PODXL: variants seen among roughly 807,000 people sequenced by gnomAD.
PODXL encodes podocalyxin like.
A neutral mutation model predicts 48.9 loss-of-function variants in PODXL; 20 were observed. That is an observed-to-expected ratio of 0.41 (90% CI 0.29 to 0.59). The LOEUF is 0.59. Among genes scored for constraint, PODXL ranks in the 20% least tolerant of loss-of-function variants. The pLI, the probability that PODXL is intolerant of heterozygous loss-of-function variation, is 0.31. For missense variants in PODXL, 606 were observed against 675.1 expected (o/e 0.90, Z 1.13); for synonymous variants, 295 against 287.4 (o/e 1.03, Z -0.27).
chr7:131,523,421 G>A (rs1234577324), intron 1 of PODXL, among the ~76,000 whole-genome samples: 1 of 152,002 alleles, frequency 6.6e-6, no homozygotes, highest in East Asian at 1.9e-4. Flanking sequence ...GGTGGCTCAC[G>A]CCTGTAATCC....
At chr7:131,515,363 T>C (rs1249150179) in intron 1 of PODXL, among the ~76,000 whole-genome samples, 1 of 152,158 alleles carries the variant, frequency 6.6e-6, no homozygotes, top group African/African-American at 2.4e-5. Context: ...GTTAACTTAA[T>C]TCATAAGCTC....
intron 1 of PODXL, among the ~76,000 whole-genome samples, chr7:131,553,681 C>T (rs573499072): frequency 9.2e-5 from 14 of 152,208 alleles, no homozygotes; most frequent in Non-Finnish European, 1.8e-4. Flanking sequence ...AGTGTTTCCA[C>T]CCCACCAAGC....
At chr7:131,539,356 G>C (rs762475603) in intron 1 of PODXL, among the ~76,000 whole-genome samples, 3 of 151,936 alleles carry the variant, frequency 2.0e-5, no homozygotes, top group Non-Finnish European at 4.4e-5. Flanking sequence ...TTTGAGACAG[G>C]GTCTTGCCCT....
At chr7:131,537,334 G>A (rs1444041108) in intron 1 of PODXL, among the ~76,000 whole-genome samples, 1 of 151,710 alleles carries the variant, frequency 6.6e-6, no homozygotes, top group Non-Finnish European at 1.5e-5. Flanking sequence ...GCCAAGCACG[G>A]TGGCTCACGC....
rs563489994 is a variant in PODXL at position 131,541,247 on chromosome 7, G to A, written c.100+15013C>T. 6.6e-5 allele frequency among the ~76,000 whole-genome samples: 10 copies of A among 151,988 alleles called. No individual in the cohort carries two copies. In the East Asian group the frequency reaches 1.9e-3, roughly 29 times the overall value. On this transcript the variant is annotated intron_variant, in intron 1 of 8. Transcript: ENST00000378555. ...ATCTCTCTCCTTGGCCCAGGAGGTG[G>A]AAGAAAAAGCATGGTTACCTCCCAC...
intron 5 of PODXL, among the ~76,000 whole-genome samples, chr7:131,507,131 T>C (rs184591058): frequency 5.3e-5 from 8 of 152,252 alleles, no homozygotes; most frequent in African/African-American, 1.9e-4. Flanking sequence ...GAGACTCCAA[T>C]TCCCCCTAAA....
chr7:131,508,829 G>A, intron 5 of PODXL, 122 bp downstream of exon 5: 1 of 786,366 alleles, frequency 1.3e-6, no homozygotes, highest in East Asian at 2.5e-5. Context: ...ATGAGGGCCG[G>A]AAAGCAAATG....
intron 1 of PODXL, among the ~76,000 whole-genome samples, chr7:131,524,368 A>ACATG (rs1554385083): frequency 1.2e-4 from 13 of 112,548 alleles, no homozygotes; most frequent in Non-Finnish European, 1.4e-4. Flanking sequence ...ACACGCACAC[A>ACATG]CACACACACA....
At chr7:131,522,685 A>G (rs1481441121) in intron 1 of PODXL, among the ~76,000 whole-genome samples, 1 of 152,262 alleles carries the variant, frequency 6.6e-6, no homozygotes, top group Non-Finnish European at 1.5e-5. Flanking sequence ...GCCACACAGT[A>G]GGCAGCCACT....
At position 131,510,873 on chromosome 7, in the gene PODXL, T is replaced by C. The variant is rs1318338766; in HGVS notation, c.661A>G (p.Ile221Val). ...KISSSSSTVA[I>V]PGYTFTSPGM... ...GGGCTTGTGAAGGTGTAGCCAGGGA[T>C]AGCCACAGTGCTTGAACTGCTTGAA... The change falls in exon 2 of 9, where the codon ATC (isoleucine) becomes GTC (valine). Residue 221 changes from isoleucine to valine, a missense_variant. Coordinates refer to ENST00000378555, the MANE Select transcript of PODXL (RefSeq NM_001018111.3). 1.2e-6 allele frequency: 2 copies of C among 1,614,056 alleles called. No individual in the cohort carries two copies. Among genetic ancestry groups the C allele is most frequent in the Non-Finnish European group, 1.7e-6 (2 of 1,180,040 alleles).
intron 1 of PODXL, among the ~76,000 whole-genome samples, chr7:131,512,049 A>G (rs10954318): frequency 0.13 from 19,981 of 152,262 alleles, 1,524 homozygotes; most frequent in Middle Eastern, 0.25. Flanking sequence ...CTTAAGCAAA[A>G]AAGACATGGG....
intron 1 of PODXL, among the ~76,000 whole-genome samples, chr7:131,518,170 G>C (rs1326313477): frequency 6.6e-6 from 1 of 152,148 alleles, no homozygotes; most frequent in East Asian, 1.9e-4. Flanking sequence ...ACAGGTACCA[G>C]GTACCAGAGA....
chr7:131,534,284 G>A (rs1174679564), intron 1 of PODXL, among the ~76,000 whole-genome samples: 1 of 152,230 alleles, frequency 6.6e-6, no homozygotes, highest in Non-Finnish European at 1.5e-5. Flanking sequence ...GAGGAGCTGA[G>A]CCTGAACCTT....
At chr7:131,523,099 T>G (rs1271879701) in intron 1 of PODXL, among the ~76,000 whole-genome samples, 2 of 152,240 alleles carry the variant, frequency 1.3e-5, no homozygotes, top group Non-Finnish European at 2.9e-5. Context: ...CTGGAGGGAC[T>G]GCCAAGCTAT....
Position 131,505,998 on chromosome 7 carries a change from G to A in PODXL, c.1349C>T (p.Pro450Leu), listed in dbSNP as rs1483914798. ...GAAGCGGTCCTCGGCCTCCTCCGGT[G>A]GCCCCTGGTCCCCTAGCTTCATGTC... Reference protein sequence around the residue: ...VSDMKLGDQGPPEEAEDRFSM... With the variant: ...VSDMKLGDQGLPEEAEDRFSM... The change falls in exon 8 of 9, where the codon CCA becomes CTA. Residue 450 changes from proline to leucine, a missense_variant. By Grantham distance (98) the Pro-to-Leu change is moderately conservative. Transcript: ENST00000378555. 2 of 1,612,872 alleles carry A rather than the reference G, an allele frequency of 1.2e-6. No individual in the cohort carries two copies. The highest frequency in any genetic ancestry group is 1.7e-6 in the Non-Finnish European group (2 of 1,179,630).
intron 1 of PODXL, among the ~76,000 whole-genome samples, chr7:131,555,214 C>T (rs1798724486): frequency 6.6e-6 from 1 of 152,152 alleles, no homozygotes; most frequent in South Asian, 2.1e-4. Flanking sequence ...GTGCTGTCCC[C>T]GCAGTCCTCC....
intron 1 of PODXL, among the ~76,000 whole-genome samples, chr7:131,550,685 T>C (rs1305038918): frequency 6.6e-6 from 1 of 150,734 alleles, no homozygotes; most frequent in African/African-American, 2.4e-5. Flanking sequence ...ATTTGGTGAG[T>C]TTTTCCAATT....
intron 5 of PODXL, among the ~76,000 whole-genome samples, chr7:131,507,971 A>G (rs1378565476): frequency 6.6e-6 from 1 of 152,200 alleles, no homozygotes; most frequent in Non-Finnish European, 1.5e-5. Context: ...CATCCTATCT[A>G]TAGACACCGT....
chr7:131,524,750 T>A (rs1041039807), intron 1 of PODXL, among the ~76,000 whole-genome samples: 4 of 152,190 alleles, frequency 2.6e-5, no homozygotes, highest in Admixed American at 1.3e-4. Flanking sequence ...TCCATTCTTA[T>A]TTACCTACAT....
Sources: gnomAD v4.1 joint callset for allele counts (sites outside exome capture counted in the v4.1 genomes callset) on GRCh38, gnomAD v4.1.1 for gene constraint, MANE v1.5 for transcripts, NCBI Gene and HGNC (gene_info 2026-07-23, HGNC 2026-07-21) for gene names.